Variants in EXO5 observed in about 807,000 individuals in gnomAD.
EXO5 encodes the protein exonuclease 5.
Under a neutral mutation model 17.8 loss-of-function variants are expected in EXO5, and 11 were observed. The observed-to-expected ratio is 0.62, with a 90% CI of 0.39 to 1.02. The LOEUF (loss-of-function observed/expected upper bound fraction) is 1.02, where lower values mean the gene tolerates loss of function less well. EXO5 is among the 50% of genes least tolerant of loss of function. The pLI is 0.00. For missense variants in EXO5, 364 were observed against 434.8 expected (o/e 0.84, Z 1.45); for synonymous variants, 147 against 166.5 (o/e 0.88, Z 0.90).
intron 3 of EXO5, among the ~76,000 whole-genome samples, chr1:40,513,742 C>T (rs1645825003): frequency 6.6e-6 from 1 of 151,762 alleles, no homozygotes; most frequent in African/African-American, 2.4e-5. Flanking sequence ...GTGTGTGCCA[C>T]CATACCTGGC....
Position 40,515,489 on chromosome 1 carries a change from G to A in EXO5, c.945G>A (p.Val315=), listed in dbSNP as rs762594632. 5.4e-5 allele frequency: 87 copies of A among 1,613,886 alleles called. 1 individual carries two copies. In the East Asian group the frequency reaches 1.8e-3, roughly 33 times the overall value. ...TEIVAFKEKE[V]RAKVQHYMAY... ...TTGTAGCCTTCAAAGAGAAGGAGGT[G>A]AGAGCCAAGGTGCAGCATTATATGG... is the stretch of plus-strand genomic sequence containing the variant. Residue 315 remains valine (V), a synonymous_variant, in exon 4 of 4, where the codon GTG becomes GTA. Coordinates refer to ENST00000415550, the MANE Select transcript of EXO5 (RefSeq NM_001346953.2).
At chr1:40,509,053 G>C (rs1472847624) in intron 1 of EXO5, 145 bp downstream of exon 1, 2 of 152,240 alleles carry the variant, frequency 1.3e-5, no homozygotes, top group African/African-American at 2.4e-5. Flanking sequence ...CCGGGTTCCC[G>C]TTCTGGACCT....
In EXO5 at chr1:40,511,439, A is replaced by G. The variant is rs192392669; in HGVS notation, c.-31+1649A>G. ...TACTATTGAAATATCCTGTAAAGCA[A>G]TAATGTTGTAGGATACTCTATAAGC... On this transcript the variant is annotated intron_variant, in intron 3 of 3. Coordinates refer to ENST00000415550, the MANE Select transcript of EXO5 (RefSeq NM_001346953.2). Among the ~76,000 whole-genome samples, 11 of 152,314 alleles carry G rather than the reference A, an allele frequency of 7.2e-5. No individual in the cohort carries two copies. The East Asian group carries it at 2.1e-3, about 29-fold the overall frequency.
chr1:40,515,616 A>G lies in EXO5; in HGVS notation c.1072A>G (p.Ser358Gly). 1 of 1,613,568 alleles carries G rather than the reference A, an allele frequency of 6.2e-7. No individual in the cohort carries two copies. Among genetic ancestry groups the G allele is most frequent in the Middle Eastern group, 1.7e-4 (1 of 6,058 alleles). ...AGACATTTGTGAGTGGAGAAAGGGC[A>G]GTGGAGTGCTCAGCTCTACACTGGC... ...YADICEWRKG[S>G]GVLSSTLAPQ... Residue 358 changes from serine (S) to glycine (G), a missense_variant, in exon 4 of 4, where the codon AGT (serine) becomes GGT (glycine). By Grantham distance (56) the Ser-to-Gly change is moderately conservative (BLOSUM62 0). Transcript: ENST00000415550.
In EXO5 at chr1:40,509,763, A is replaced by G. The variant is rs773227832; in HGVS notation, c.-58A>G. 6.6e-6 allele frequency: 1 copy of G among 152,198 alleles called. No individual in the cohort carries two copies. The highest frequency in any genetic ancestry group is 6.5e-5 in the Admixed American group (1 of 15,270). The allele number at this position is 152,198 out of a possible 1,614,324, so 9.4% of individuals were successfully genotyped here. ...TCATTTCAGCATTCTGGCCTTCCCT[A>G]TGAGGAGGAAGATCAACGAAGTCAC... On this transcript the variant is annotated 5_prime_UTR_variant, in exon 3 of 4. It removes an upstream start codon present in the reference 5' UTR. Transcript: ENST00000415550.
intron 3 of EXO5, among the ~76,000 whole-genome samples, chr1:40,512,947 A>T (rs1645807688): frequency 6.6e-6 from 1 of 152,234 alleles, no homozygotes; most frequent in Non-Finnish European, 1.5e-5. Context: ...AGTTGAAAGA[A>T]AAAAGGAGTA....
At chr1:40,510,133 T>C (rs1013602110) in intron 3 of EXO5, among the ~76,000 whole-genome samples, 1 of 152,202 alleles carries the variant, frequency 6.6e-6, no homozygotes, top group South Asian at 2.1e-4. Flanking sequence ...TCCCATTCAC[T>C]TACTACCTAA....
At position 40,514,606 on chromosome 1, in the gene EXO5, G is replaced by C; in HGVS notation, c.62G>C (p.Ser21Thr). The change falls in exon 4 of 4, where the codon AGT becomes ACT. Residue 21 changes from serine to threonine, a missense_variant. Transcript: ENST00000415550. Reference sequence around the variant, plus strand: ...GAAGCCTCAGGGTTCTCAGACTTGAGTGACTCAGAGTTCCTGGAGTTTCTG... The same window carrying C: ...GAAGCCTCAGGGTTCTCAGACTTGACTGACTCAGAGTTCCTGGAGTTTCTG... ...SAEASGFSDL[S>T]DSEFLEFLDL... 6 of 1,614,206 alleles carry C rather than the reference G, an allele frequency of 3.7e-6. No homozygotes were observed. Among genetic ancestry groups the C allele is most frequent in the Non-Finnish European group, 5.1e-6 (6 of 1,180,018 alleles).
chr1:40,510,983 C>G (rs1255605157), intron 3 of EXO5, among the ~76,000 whole-genome samples: 1 of 152,200 alleles, frequency 6.6e-6, no homozygotes, highest in African/African-American at 2.4e-5. Context: ...CGCCTGTAAT[C>G]ACAGCACTTT....
chr1:40,511,257 A>G (rs1645772562), intron 3 of EXO5, among the ~76,000 whole-genome samples: 1 of 152,182 alleles, frequency 6.6e-6, no homozygotes, highest in Non-Finnish European at 1.5e-5. Context: ...AAAAGAAAAG[A>G]AAAAATAAAT....
In EXO5 at chr1:40,510,238, C is replaced by G. The variant is rs374655125; in HGVS notation, c.-31+448C>G. Reference sequence around the variant, plus strand: ...TCAAACTTGTCCTAAGAAACAATATCTGTGAAATTAGCCATTTGATGGCTG... The same window carrying G: ...TCAAACTTGTCCTAAGAAACAATATGTGTGAAATTAGCCATTTGATGGCTG... On this transcript the variant is annotated intron_variant, in intron 3 of 3. Coordinates refer to ENST00000415550, the MANE Select transcript of EXO5 (RefSeq NM_001346953.2). Among the ~76,000 whole-genome samples, 8 of 151,846 alleles carry G rather than the reference C, an allele frequency of 5.3e-5. No homozygotes were observed. In the South Asian group the frequency reaches 1.7e-3, roughly 32 times the overall value.
rs911146079 is a variant in EXO5, at chr1:40,514,394, G to C, written c.-30-121G>C. 2.9e-5 allele frequency: 23 copies of C among 791,518 alleles called. No individual in the cohort carries two copies. In the African/African-American group the frequency reaches 3.8e-4, roughly 13 times the overall value. 49.0% of individuals were successfully genotyped at this position (791,518 alleles called of 1,614,324 possible). ...TTACTAATTGGTCATAAATAAACTG[G>C]CTTTTTAAAAGAATGTAAATAAATA... On this transcript the variant is annotated intron_variant, in intron 3 of 3. Transcript: ENST00000415550.
At position 40,515,163 on chromosome 1, in the gene EXO5, C is replaced by G; in HGVS notation, c.619C>G (p.Leu207Val). Residue 207 changes from leucine (L) to valine (V), a missense_variant, in exon 4 of 4, where the codon CTG becomes GTG. Transcript: ENST00000415550. Reference sequence around the variant, plus strand: ...GACACGCAGGCGCCCTATGCTCCCTCTGGAAGCTCAGAAGAAGAAAGACTG... The same window carrying G: ...GACACGCAGGCGCCCTATGCTCCCTGTGGAAGCTCAGAAGAAGAAAGACTG... ...LKTRRRPMLP[L>V]EAQKKKDCFQ... is the part of the protein sequence containing the mutation. 2.5e-6 allele frequency: 4 copies of G among 1,614,112 alleles called. No individual in the cohort carries two copies. The highest frequency in any genetic ancestry group is 3.4e-6 in the Non-Finnish European group (4 of 1,180,034).
chr1:40,515,829 A>C lies in EXO5; in HGVS notation c.*163A>C. 2 of 689,108 alleles carry C rather than the reference A, an allele frequency of 2.9e-6. No homozygotes were observed. Among genetic ancestry groups the C allele is most frequent in the Non-Finnish European group, 4.9e-6 (2 of 410,236 alleles). 42.7% of individuals were successfully genotyped at this position (689,108 alleles called of 1,614,324 possible). ...CACATTCAGTCCAGGACCAAGGCTC[A>C]GGGATGAGTGGGAGAGATGGGTTAT... On this transcript the variant is annotated 3_prime_UTR_variant, in exon 4 of 4. Coordinates refer to ENST00000415550, the MANE Select transcript of EXO5 (RefSeq NM_001346953.2).
At chr1:40,512,756 C>G (rs1331819569) in intron 3 of EXO5, among the ~76,000 whole-genome samples, 1 of 152,134 alleles carries the variant, frequency 6.6e-6, no homozygotes, top group Non-Finnish European at 1.5e-5. Context: ...TGCCCGCCAC[C>G]ACACCCGGCT....
At position 40,515,574 on chromosome 1, in the gene EXO5, C is replaced by G; in HGVS notation, c.1030C>G (p.Arg344Gly). The change falls in exon 4 of 4, where the codon CGG (arginine) becomes GGG (glycine). Residue 344 changes from arginine (R) to glycine (G), a missense_variant. Arg to Gly is a moderately radical substitution (Grantham distance 125, BLOSUM62 -2). Coordinates refer to ENST00000415550, the MANE Select transcript of EXO5 (RefSeq NM_001346953.2). ...TGACGTGGAGGAGGCTTGGAAGTGCCGGACGTGTACCTATGCAGACATTTG... is the reference window on the plus strand; with the variant it reads ...TGACGTGGAGGAGGCTTGGAAGTGCGGGACGTGTACCTATGCAGACATTTG... ...GVDVEEAWKC[R>G]TCTYADICEW... 2.9e-5 allele frequency: 47 copies of G among 1,608,142 alleles called. No individual in the cohort carries two copies. The highest frequency in any genetic ancestry group is 3.7e-5 in the Non-Finnish European group (43 of 1,176,192).
At chr1:40,511,527 T>C (rs1003662147) in intron 3 of EXO5, among the ~76,000 whole-genome samples, 2 of 152,226 alleles carry the variant, frequency 1.3e-5, no homozygotes, top group African/African-American at 4.8e-5. Flanking sequence ...GCTATCTATG[T>C]TTTCTTTCAT....
rs1645867584 is a variant in EXO5 at position 40,515,347 on chromosome 1, T to G, written c.803T>G (p.Leu268Trp). 1 of 1,613,898 alleles carries G rather than the reference T, an allele frequency of 6.2e-7. No individual in the cohort carries two copies. Among genetic ancestry groups the G allele is most frequent in the Non-Finnish European group, 8.5e-7 (1 of 1,180,000 alleles). ...AQQGGFSVKS[L>W]GDLMELVFLS... ...CAGGGAGGCTTCTCTGTGAAGTCTT[T>G]GGGTGACCTCATGGAACTTGTCTTC... The change falls in exon 4 of 4, where the codon TTG becomes TGG. Residue 268 changes from leucine (L) to tryptophan (W), a missense_variant. Transcript: ENST00000415550.
Position 40,515,830 on chromosome 1 carries a change from G to A in EXO5, c.*164G>A, listed in dbSNP as rs1047667986. 9 of 674,212 alleles carry A rather than the reference G, an allele frequency of 1.3e-5. No homozygotes were observed. The African/African-American group carries it at 1.6e-4, about 12-fold the overall frequency. The allele number at this position is 674,212 out of a possible 1,614,324, so 41.8% of individuals were successfully genotyped here. ...ACATTCAGTCCAGGACCAAGGCTCAGGGATGAGTGGGAGAGATGGGTTATA... is the reference window on the plus strand; with the variant it reads ...ACATTCAGTCCAGGACCAAGGCTCAAGGATGAGTGGGAGAGATGGGTTATA... On this transcript the variant is annotated 3_prime_UTR_variant, in exon 4 of 4. Coordinates refer to ENST00000415550, the MANE Select transcript of EXO5 (RefSeq NM_001346953.2).
Sources: allele counts gnomAD v4.1 joint callset (sites outside exome capture counted in the v4.1 genomes callset), GRCh38; gene constraint gnomAD v4.1.1; transcripts MANE v1.5; gene names NCBI Gene and HGNC (gene_info 2026-07-23, HGNC 2026-07-21).